CDS2: variants seen among roughly 807,000 people sequenced by gnomAD.
CDS2 encodes phosphatidate cytidylyltransferase 2.
A neutral mutation model predicts 59.0 loss-of-function variants in CDS2; 47 were observed. The observed-to-expected ratio is 0.80, with a 90% CI of 0.63 to 1.02. CDS2 has a LOEUF of 1.02. CDS2 is among the 50% of genes least tolerant of loss of function. The pLI, the probability that CDS2 is intolerant of heterozygous loss-of-function variation, is 0.00. For synonymous variants in CDS2, 207 were observed against 206.4 expected (o/e 1.00, Z -0.02); for missense variants, 356 against 558.9 (o/e 0.64, Z 3.66).
chr20:5,178,983 T>A, intron 5 of CDS2, 27 bp downstream of exon 5: 1 of 1,609,058 alleles, frequency 6.2e-7, no homozygotes, highest in Non-Finnish European at 8.5e-7. Context: ...TCACCATTTC[T>A]TGTGTCTGTA....
chr20:5,133,201 A>T (rs6053138), intron 1 of CDS2, among the ~76,000 whole-genome samples: 33,408 of 152,182 alleles, frequency 0.22, 6,546 homozygotes, highest in African/African-American at 0.53. Flanking sequence ...TATCATCTTT[A>T]AAAAATGTTA....
chr20:5,189,282 C>A, intron 11 of CDS2, 96 bp downstream of exon 11: 1 of 1,394,564 alleles, frequency 7.2e-7, no homozygotes, highest in Non-Finnish European at 1.0e-6. Flanking sequence ...CTAGGCTGTA[C>A]ACCCTGGCAT....
At position 5,192,168 on chromosome 20, in the gene CDS2, C is replaced by T. The variant is rs1051711330; in HGVS notation, c.*1934C>T. 2.6e-5 allele frequency: 4 copies of T among 152,212 alleles called. No individual in the cohort carries two copies. Among genetic ancestry groups the T allele is most frequent in the Non-Finnish European group, 5.9e-5 (4 of 68,086 alleles). The allele number at this position is 152,212 out of a possible 1,614,324, so 9.4% of individuals were successfully genotyped here. ...CACCAAACTAGATACCGAAAGGGCTCCTCATTTGTCTCTTTTGTCCCATTG... is the reference window on the plus strand; with the variant it reads ...CACCAAACTAGATACCGAAAGGGCTTCTCATTTGTCTCTTTTGTCCCATTG... On this transcript the variant is annotated 3_prime_UTR_variant, in exon 13 of 13. Transcript: ENST00000460006.
chr20:5,180,096 C>T (rs933207396), intron 5 of CDS2, among the ~76,000 whole-genome samples: 1 of 152,206 alleles, frequency 6.6e-6, no homozygotes, highest in African/African-American at 2.4e-5. Flanking sequence ...GGAAAAGCGA[C>T]ATGCTTATTT....
At chr20:5,162,249 T>C (rs2090880969) in intron 1 of CDS2, among the ~76,000 whole-genome samples, 1 of 152,222 alleles carries the variant, frequency 6.6e-6, no homozygotes, top group African/African-American at 2.4e-5. Context: ...GCCAATGTGA[T>C]GCTCAAAGGA....
intron 1 of CDS2, among the ~76,000 whole-genome samples, chr20:5,168,183 G>T (rs2090926577): frequency 6.6e-6 from 1 of 152,086 alleles, no homozygotes; most frequent in Admixed American, 6.6e-5. Context: ...GGGAGGCCGA[G>T]GCAGGTGGAT....
chr20:5,162,866 T>C (rs1183745886), intron 1 of CDS2, among the ~76,000 whole-genome samples: 2 of 152,060 alleles, frequency 1.3e-5, no homozygotes, highest in Non-Finnish European at 2.9e-5. Flanking sequence ...AAGGAGGAAA[T>C]GGTCAACTAG....
rs538919267 is a variant in CDS2, at chr20:5,193,685, G to C, written c.*3451G>C. 6.6e-6 allele frequency: 1 copy of C among 152,204 alleles called. No individual in the cohort carries two copies. Among genetic ancestry groups the C allele is most frequent in the Non-Finnish European group, 1.5e-5 (1 of 68,038 alleles). 9.4% of individuals were successfully genotyped at this position (152,204 alleles called of 1,614,324 possible). A position where few individuals can be genotyped will look rare whatever the true frequency, so the allele number is the denominator to read the frequency against. On this transcript the variant is annotated 3_prime_UTR_variant, in exon 13 of 13. Transcript: ENST00000460006. ...GTTCATCTCCACTATTGACAGAGTC[G>C]GGTAGTGGGAGAGTATAAGTGACTT... is the stretch of plus-strand genomic sequence containing the variant.
rs1389298526 is a variant in CDS2 at position 5,194,614 on chromosome 20, G to A, written c.*4380G>A. ...AACGCACTTTGAGTGCAGTTTAGGA[G>A]GTATCCTTTGGATGCTGAAGTGTTG... On this transcript the variant is annotated 3_prime_UTR_variant, in exon 13 of 13. Coordinates refer to ENST00000460006, the MANE Select transcript of CDS2 (RefSeq NM_003818.4). 6.6e-6 allele frequency: 1 copy of A among 152,246 alleles called. No homozygotes were observed. Among genetic ancestry groups the A allele is most frequent in the Non-Finnish European group, 1.5e-5 (1 of 68,064 alleles). The allele number at this position is 152,246 out of a possible 1,614,324, so 9.4% of individuals were successfully genotyped here.
At chr20:5,173,243 C>T (rs1023897555) in intron 1 of CDS2, among the ~76,000 whole-genome samples, 2 of 152,220 alleles carry the variant, frequency 1.3e-5, no homozygotes, top group African/African-American at 4.8e-5. Flanking sequence ...TACAAAGGAG[C>T]CATGTTCTCT....
chr20:5,164,731 C>T (rs1205305257), intron 1 of CDS2, among the ~76,000 whole-genome samples: 1 of 152,110 alleles, frequency 6.6e-6, no homozygotes, highest in African/African-American at 2.4e-5. Context: ...ATAGAAGGAC[C>T]CGTTGGACTC....
At chr20:5,151,595 TA>T (rs199843257) in intron 1 of CDS2, among the ~76,000 whole-genome samples, 3,812 of 148,788 alleles carry the variant, frequency 0.026, 67 homozygotes, top group East Asian at 0.078. Flanking sequence ...TCCCATCTCT[TA>T]AAAAAAAAAT....
Position 5,176,682 on chromosome 20 carries a change from TA to T in CDS2, c.328del (p.Ile110SerfsTer27). On this transcript the variant is annotated frameshift_variant, in exon 4 of 13. Coordinates refer to ENST00000460006, the MANE Select transcript of CDS2 (RefSeq NM_003818.4). LOFTEE classifies it high-confidence loss of function. ...GTTCAGATTAAGTGTTTCCATGAGA[TA>T]ATCACTATTGGCTACAACGTCTACC... is the stretch of plus-strand genomic sequence containing the variant. ...MCVQIKCFHE[I>X]ITIGYNVYHS... The T allele has an allele frequency of 6.2e-7, 1 of 1,614,018 alleles. No individual in the cohort carries two copies. The highest frequency in any genetic ancestry group is 8.5e-7 in the Non-Finnish European group (1 of 1,179,848).
At position 5,192,558 on chromosome 20, in the gene CDS2, C is replaced by A. The variant is rs1346357789; in HGVS notation, c.*2324C>A. The A allele has an allele frequency of 6.6e-6, 1 of 152,172 alleles. No homozygotes were observed. The highest frequency in any genetic ancestry group is 1.9e-4 in the East Asian group (1 of 5,184). The allele number at this position is 152,172 out of a possible 1,614,324, so 9.4% of individuals were successfully genotyped here. The stretch of plus-strand genomic sequence containing the variant: ...CTCTTTCCTATTCACAGACAAGATT[C>A]AAGAAACCATTTTTACGTGTGTACA... On this transcript the variant is annotated 3_prime_UTR_variant, in exon 13 of 13. Transcript: ENST00000460006.
At chr20:5,183,700 T>A (rs1426561955) in intron 7 of CDS2, among the ~76,000 whole-genome samples, 4 of 152,196 alleles carry the variant, frequency 2.6e-5, no homozygotes, top group African/African-American at 7.2e-5. Flanking sequence ...CTGCTACGAT[T>A]ATAGATAAAT....
In CDS2 at chr20:5,155,968, C is replaced by T. The variant is rs114059109; in HGVS notation, c.58-17555C>T. On this transcript the variant is annotated intron_variant, in intron 1 of 12. Transcript: ENST00000460006. ...TGGAGCAGGTGGTGTGAGGGATGGA[C>T]TAGGATGGATTGTGGAGGACCTCGA... Among the ~76,000 whole-genome samples the T allele has an allele frequency of 3.6e-3, 548 of 152,114 alleles. 5 individuals carry two copies. Among genetic ancestry groups the T allele is most frequent in the African/African-American group, 0.013 (526 of 41,476 alleles).
intron 1 of CDS2, among the ~76,000 whole-genome samples, chr20:5,167,831 A>T (rs1395400190): frequency 1.3e-5 from 2 of 152,238 alleles, no homozygotes; most frequent in Admixed American, 1.3e-4. Context: ...ATTTGCATAT[A>T]AAGCAGTGCA....
At chr20:5,129,728 C>T (rs2090587990) in intron 1 of CDS2, among the ~76,000 whole-genome samples, 1 of 151,568 alleles carries the variant, frequency 6.6e-6, no homozygotes, top group East Asian at 1.9e-4. Context: ...AGGCATGAGC[C>T]ACTGTACCTG....
At chr20:5,167,370 C>T (rs563832353) in intron 1 of CDS2, among the ~76,000 whole-genome samples, 1 of 152,284 alleles carries the variant, frequency 6.6e-6, no homozygotes, top group South Asian at 2.1e-4. Context: ...TATGGCCATA[C>T]TGGGGATGAC....
Sources: gnomAD v4.1 joint callset for allele counts (sites outside exome capture counted in the v4.1 genomes callset) on GRCh38, gnomAD v4.1.1 for gene constraint, MANE v1.5 for transcripts, NCBI Gene and HGNC (gene_info 2026-07-23, HGNC 2026-07-21) for gene names.